Variants in IL6R observed in about 807,000 individuals in gnomAD.
IL6R encodes the protein interleukin-6 receptor subunit alpha.
IL6R carries 38 observed loss-of-function variants against 48.3 expected under a neutral mutation model. The ratio of observed to expected loss-of-function variants is 0.79; its 90% CI spans 0.61 to 1.03. The LOEUF (loss-of-function observed/expected upper bound fraction) is 1.03. IL6R is among the 50% of genes least tolerant of loss of function. The probability of loss-of-function intolerance (pLI) is 0.00; values close to 1 mark genes in which losing one functional copy is unlikely to be tolerated. For synonymous variants in IL6R, 264 were observed against 256.2 expected, an observed-to-expected ratio of 1.03 and a Z score of -0.29; for missense variants, 534 against 618.3, an observed-to-expected ratio of 0.86 and a Z score of 1.45.
In IL6R at chr1:154,454,471, T is replaced by A. The variant is rs4845374; in HGVS notation, c.1067-17T>A. 0.19 allele frequency: 242,477 copies of A among 1,294,146 alleles called. 19,147 individuals are homozygous for A. The highest frequency in any genetic ancestry group is 0.26 in the African/African-American group (17,985 of 68,934). 80.2% of individuals were successfully genotyped at this position (1,294,146 alleles called of 1,614,324 possible). A position where few individuals can be genotyped will look rare whatever the true frequency, so the allele number is the denominator to read the frequency against. On this transcript the variant is annotated splice_polypyrimidine_tract_variant and intron_variant, in intron 8 of 9. Transcript: ENST00000368485. ...TCTCCTCTTCCTCCTCTATCTTCAATTTTTTTTTTAACCTAGTGCAAGATT... is the reference window on the plus strand; with the variant it reads ...TCTCCTCTTCCTCCTCTATCTTCAAATTTTTTTTTAACCTAGTGCAAGATT...
chr1:154,452,876 T>C (rs1436938268), intron 8 of IL6R, among the ~76,000 whole-genome samples: 1 of 151,476 alleles, frequency 6.6e-6, no homozygotes, highest in African/African-American at 2.4e-5. Context: ...AGATACATGA[T>C]AGGCACTCAA....
chr1:154,458,707 C>T (rs1691063493), intron 9 of IL6R, among the ~76,000 whole-genome samples: 1 of 152,094 alleles, frequency 6.6e-6, no homozygotes, highest in Admixed American at 6.5e-5. Flanking sequence ...TCGAGACCAG[C>T]CTGGCCAACG....
chr1:154,407,708 C>T (rs1045052015), intron 1 of IL6R, among the ~76,000 whole-genome samples: 2 of 152,158 alleles, frequency 1.3e-5, no homozygotes, highest in Non-Finnish European at 2.9e-5. Context: ...GCCTGCGGGG[C>T]TCTTAGAGCC....
At chr1:154,463,167 T>A (rs1407037898) in intron 9 of IL6R, among the ~76,000 whole-genome samples, 1 of 152,104 alleles carries the variant, frequency 6.6e-6, no homozygotes, top group Non-Finnish European at 1.5e-5. Context: ...TTTTTTTTTT[T>A]TATAGCTATG....
At chr1:154,447,572 CAT>C (rs1690337668) in intron 6 of IL6R, among the ~76,000 whole-genome samples, 2 of 145,846 alleles carry the variant, frequency 1.4e-5, no homozygotes, top group Non-Finnish European at 3.0e-5. Context: ...TATATATACA[CAT>C]ACATATATAT....
At chr1:154,413,484 T>C (rs1688157011) in intron 1 of IL6R, among the ~76,000 whole-genome samples, 1 of 152,258 alleles carries the variant, frequency 6.6e-6, no homozygotes, top group Non-Finnish European at 1.5e-5. Flanking sequence ...GAATAGAAGT[T>C]GCACCAATTT....
chr1:154,458,473 G>A (rs1217878866), intron 9 of IL6R, among the ~76,000 whole-genome samples: 1 of 152,206 alleles, frequency 6.6e-6, no homozygotes, highest in Non-Finnish European at 1.5e-5. Context: ...ACCCTCCTGT[G>A]TTCTGGCTCT....
At chr1:154,434,019 G>A (rs1373778082) in intron 3 of IL6R, among the ~76,000 whole-genome samples, 3 of 150,738 alleles carry the variant, frequency 2.0e-5, no homozygotes, top group African/African-American at 2.4e-5. Flanking sequence ...GAGCCACCGC[G>A]CCCGGCCTTA....
chr1:154,411,162 G>T lies in IL6R; in HGVS notation c.85+5448G>T, dbSNP rs555829250. On this transcript the variant is annotated intron_variant, in intron 1 of 9. Transcript: ENST00000368485. ...CAACCTCTGCCTCCCGGGTTCAAGC[G>T]ATTCTCCTGCCTCTGCCTCCAGAGT... 9.2e-5 allele frequency among the ~76,000 whole-genome samples: 14 copies of T among 152,108 alleles called. 1 individual carries two copies. Among genetic ancestry groups the T allele is most frequent in the Admixed American group, 9.2e-4 (14 of 15,272 alleles).
chr1:154,421,755 G>A (rs1482428875), intron 1 of IL6R, among the ~76,000 whole-genome samples: 1 of 152,044 alleles, frequency 6.6e-6, no homozygotes, highest in African/African-American at 2.4e-5. Flanking sequence ...AGATAGCTGG[G>A]ACCGCAGACA....
At chr1:154,415,185 C>T (rs1570925141) in intron 1 of IL6R, 6 of 698,772 alleles carry the variant, frequency 8.6e-6, no homozygotes, top group Middle Eastern at 6.4e-4. Context: ...GGGCCCGGAG[C>T]TCAAGGCGCC....
intron 9 of IL6R, among the ~76,000 whole-genome samples, chr1:154,458,071 A>T (rs570994624): frequency 6.9e-6 from 1 of 145,624 alleles, no homozygotes; most frequent in South Asian, 2.1e-4. Context: ...GGTTCACGCC[A>T]TTCTCCCGCC....
intron 6 of IL6R, among the ~76,000 whole-genome samples, 193 bp from the exon 7 acceptor site, chr1:154,447,932 T>A (rs1317296873): frequency 6.6e-6 from 1 of 152,180 alleles, no homozygotes; most frequent in Non-Finnish European, 1.5e-5. Flanking sequence ...CAGGGTGGTC[T>A]CGAACTCCTA....
intron 1 of IL6R, among the ~76,000 whole-genome samples, chr1:154,408,920 G>A (rs926835920): frequency 3.9e-5 from 6 of 152,114 alleles, no homozygotes; most frequent in Non-Finnish European, 8.8e-5. Flanking sequence ...TGAGGCAGGA[G>A]GATCTCTTGA....
intron 2 of IL6R, 148 bp from the exon 3 acceptor site, chr1:154,430,334 TG>T (rs1689220503): frequency 1.1e-6 from 1 of 891,100 alleles, no homozygotes; most frequent in Non-Finnish European, 1.7e-6. Context: ...CATGTGTGGC[TG>T]AGTGTGGCCA....
chr1:154,430,772 C>G (rs964949545), intron 3 of IL6R, among the ~76,000 whole-genome samples, 166 bp downstream of exon 3: 4 of 152,204 alleles, frequency 2.6e-5, no homozygotes, highest in Admixed American at 1.3e-4. Flanking sequence ...TGACTGCCCC[C>G]CCTGAGCTAG....
At chr1:154,416,584 G>A (rs1688369125) in intron 1 of IL6R, among the ~76,000 whole-genome samples, 1 of 152,158 alleles carries the variant, frequency 6.6e-6, no homozygotes, top group South Asian at 2.1e-4. Flanking sequence ...GTCTCACTGA[G>A]GGGAGATGTG....
At chr1:154,462,314 C>T (rs577417468) in intron 9 of IL6R, among the ~76,000 whole-genome samples, 1 of 152,106 alleles carries the variant, frequency 6.6e-6, no homozygotes, top group South Asian at 2.1e-4. Flanking sequence ...CTGCCTTTCA[C>T]ACTTAGCACT....
chr1:154,465,168 G>C lies in IL6R; in HGVS notation c.1195G>C (p.Glu399Gln), dbSNP rs767331184. The C allele has an allele frequency of 6.2e-7, 1 of 1,614,170 alleles. No homozygotes were observed. The highest frequency in any genetic ancestry group is 1.1e-5 in the South Asian group (1 of 91,086). Residue 399 changes from glutamate (E) to glutamine (Q), a missense_variant, in exon 10 of 10, where the codon GAA becomes CAA. Glu to Gln is a conservative substitution (Grantham distance 29). Coordinates refer to ENST00000368485, the MANE Select transcript of IL6R (RefSeq NM_000565.4). ...GACGTGGAAGCTGCGGGCTCTGAAG[G>C]AAGGCAAGACAAGCATGCATCCGCC... ...KKTWKLRALK[E>Q]GKTSMHPPYS...
Sources: gnomAD v4.1 joint callset for allele counts (sites outside exome capture counted in the v4.1 genomes callset) on GRCh38, gnomAD v4.1.1 for gene constraint, MANE v1.5 for transcripts, NCBI Gene and HGNC (gene_info 2026-07-23, HGNC 2026-07-21) for gene names.